The following ALK variants were observed in gnomAD, a reference collection of about 807,000 sequenced individuals.
The protein encoded by ALK is ALK tyrosine kinase receptor.
In ALK, 74 loss-of-function variants were observed where a neutral mutation model predicts 163.1. The observed-to-expected ratio is 0.45, with a 90% confidence interval of 0.38 to 0.55. ALK has a LOEUF of 0.55. ALK is among the 20% of genes least tolerant of loss of function. The probability of loss-of-function intolerance (pLI) is 0.00; values close to 1 mark genes in which losing one functional copy is unlikely to be tolerated. For synonymous variants in ALK, 960 were observed against 843.2 expected, an observed-to-expected ratio of 1.14 and a Z score of -2.40; for missense variants, 2,063 against 2,105.3, an observed-to-expected ratio of 0.98 and a Z score of 0.39.
At chr2:29,879,002 A>C (rs545223151) in intron 1 of ALK, among the ~76,000 whole-genome samples, 1 of 152,258 alleles carries the variant, frequency 6.6e-6, no homozygotes, top group South Asian at 2.1e-4. Flanking sequence ...GCAGGCAAGA[A>C]ACAGGACTGA....
chr2:29,470,590 T>C (rs1017544580), intron 4 of ALK, among the ~76,000 whole-genome samples: 3 of 151,958 alleles, frequency 2.0e-5, no homozygotes, highest in Non-Finnish European at 4.4e-5. Flanking sequence ...TTTAAAGTGC[T>C]AGCAGAAAAT....
chr2:29,483,540 G>C (rs1171404463), intron 4 of ALK, among the ~76,000 whole-genome samples: 1 of 152,190 alleles, frequency 6.6e-6, no homozygotes, highest in Non-Finnish European at 1.5e-5. Flanking sequence ...GCACATCCAA[G>C]TTTGAAAAGC....
intron 23 of ALK, among the ~76,000 whole-genome samples, chr2:29,216,860 ATGTG>A (rs1185090931): frequency 1.4e-5 from 2 of 142,030 alleles, no homozygotes; most frequent in South Asian, 2.3e-4. Flanking sequence ...TGTGTGTTGT[ATGTG>A]TGTGGTGTGT....
chr2:29,821,857 T>C (rs908704002), intron 1 of ALK, among the ~76,000 whole-genome samples: 4 of 152,204 alleles, frequency 2.6e-5, no homozygotes, highest in Non-Finnish European at 5.9e-5. Flanking sequence ...CTTCCCACTG[T>C]AGCCTTTCCG....
intron 26 of ALK, among the ~76,000 whole-genome samples, chr2:29,203,431 A>AT (rs11460597): frequency 0.52 from 70,510 of 135,636 alleles, 20,220 homozygotes; most frequent in East Asian, 0.8. Context: ...TAATTTTTAA[A>AT]TTTTCTTTGT....
intron 13 of ALK, among the ~76,000 whole-genome samples, chr2:29,238,794 G>A (rs1467015526): frequency 6.6e-6 from 1 of 152,138 alleles, no homozygotes; most frequent in Non-Finnish European, 1.5e-5. Context: ...AAGTTTGAGA[G>A]CTAGTAGATT....
chr2:29,255,276 T>G lies in ALK; in HGVS notation c.2042-4009A>C, dbSNP rs150893513. On this transcript the variant is annotated intron_variant, in intron 11 of 28. Coordinates refer to ENST00000389048, the MANE Select transcript of ALK (RefSeq NM_004304.5). ...TCCAGCTTCATCTGCTGGTTCCCTTTGTTCATACTGTCTGCAATCCTGTAG... is the reference window on the plus strand; with the variant it reads ...TCCAGCTTCATCTGCTGGTTCCCTTGGTTCATACTGTCTGCAATCCTGTAG... Among the ~76,000 whole-genome samples, 484 of 152,288 alleles carry G rather than the reference T, an allele frequency of 3.2e-3. 2 individuals are homozygous for G. Among genetic ancestry groups the G allele is most frequent in the African/African-American group, 0.011 (457 of 41,550 alleles).
At chr2:29,196,180 C>T (rs1439104235) in intron 28 of ALK, among the ~76,000 whole-genome samples, 1 of 152,172 alleles carries the variant, frequency 6.6e-6, no homozygotes, top group Non-Finnish European at 1.5e-5. Flanking sequence ...CAGGCCTTAA[C>T]TCCTCATCTA....
At chr2:29,461,337 T>C (rs1024663006) in intron 4 of ALK, among the ~76,000 whole-genome samples, 1 of 152,188 alleles carries the variant, frequency 6.6e-6, no homozygotes. Context: ...CAACAGATTT[T>C]CAATATAGAT....
At chr2:29,439,717 C>T (rs1018512511) in intron 4 of ALK, among the ~76,000 whole-genome samples, 3 of 147,958 alleles carry the variant, frequency 2.0e-5, no homozygotes, top group Admixed American at 2.0e-4. Context: ...ATGGGAGATA[C>T]GTGCAGAGAG....
chr2:29,656,409 T>G (rs917239359), intron 3 of ALK, among the ~76,000 whole-genome samples: 4 of 152,196 alleles, frequency 2.6e-5, no homozygotes. Flanking sequence ...TGTAAGCATG[T>G]ATTTAAACCT....
In ALK at chr2:29,246,312, G is replaced by A. The variant is rs1322850440; in HGVS notation, c.2204+4793C>T. 6.6e-6 allele frequency among the ~76,000 whole-genome samples: 1 copy of A among 152,092 alleles called. No individual in the cohort carries two copies. Among genetic ancestry groups the A allele is most frequent in the African/African-American group, 2.4e-5 (1 of 41,400 alleles). On this transcript the variant is annotated intron_variant, in intron 12 of 28. Transcript: ENST00000389048. The surrounding 1 kb of genome is among the most constrained non-coding windows in gnomAD (Gnocchi z 4.3). ...CCTCTGCCTGTGGCAGGCCACCCGT[G>A]GGCTCTCACTGAGTCCCCCAACAGC... is the stretch of plus-strand genomic sequence containing the variant.
chr2:29,454,838 T>C (rs1670910252), intron 4 of ALK, among the ~76,000 whole-genome samples: 2 of 152,120 alleles, frequency 1.3e-5, no homozygotes, highest in African/African-American at 2.4e-5. Flanking sequence ...ATACATATAG[T>C]TAAAATTATA....
At chr2:29,250,664 A>G (rs926676574) in intron 12 of ALK, among the ~76,000 whole-genome samples, 1 of 152,174 alleles carries the variant, frequency 6.6e-6, no homozygotes, top group African/African-American at 2.4e-5. Context: ...GCGTTCCAGA[A>G]CAGTTTGCTC....
At position 29,728,747 on chromosome 2, in the gene ALK, C is replaced by T. The variant is rs192433895; in HGVS notation, c.668-11050G>A. 2.0e-5 allele frequency among the ~76,000 whole-genome samples: 3 copies of T among 152,210 alleles called. No individual in the cohort carries two copies. In the East Asian group the frequency reaches 5.8e-4, roughly 29 times the overall value. On this transcript the variant is annotated intron_variant, in intron 1 of 28. Coordinates refer to ENST00000389048, the MANE Select transcript of ALK (RefSeq NM_004304.5). ...AACTCAAGTCTCTCAGAACGGAGCG[C>T]CAGCTCCTTATTTGCCACCAAGAAA...
At chr2:29,900,273 C>T (rs1388669313) in intron 1 of ALK, among the ~76,000 whole-genome samples, 1 of 152,322 alleles carries the variant, frequency 6.6e-6, no homozygotes, top group South Asian at 2.1e-4. Context: ...ACCACCTGAG[C>T]AGTGTCAATG....
At chr2:29,865,629 T>G (rs1666415061) in intron 1 of ALK, among the ~76,000 whole-genome samples, 2 of 152,136 alleles carry the variant, frequency 1.3e-5, no homozygotes, top group Non-Finnish European at 1.5e-5. Flanking sequence ...AGAAATCCAT[T>G]CTTAGATCAG....
At chr2:29,426,898 C>T (rs1438631891) in intron 4 of ALK, among the ~76,000 whole-genome samples, 1 of 151,562 alleles carries the variant, frequency 6.6e-6, no homozygotes, top group African/African-American at 2.4e-5. Context: ...CTTAACTGAG[C>T]ATAGTGGGGT....
intron 1 of ALK, among the ~76,000 whole-genome samples, chr2:29,901,543 A>G (rs964116620): frequency 6.6e-6 from 1 of 152,176 alleles, no homozygotes; most frequent in Admixed American, 6.5e-5. Flanking sequence ...AAGCCCACCC[A>G]CCAGGTCTGA....
Sources: allele counts gnomAD v4.1 joint callset (sites outside exome capture counted in the v4.1 genomes callset), GRCh38; gene constraint gnomAD v4.1.1; non-coding constraint Gnocchi (gnomAD v3.1); transcripts MANE v1.5; gene names NCBI Gene and HGNC (gene_info 2026-07-23, HGNC 2026-07-21).